The following PSD2 variants were observed in gnomAD, a reference collection of about 807,000 sequenced individuals.
PSD2 encodes pleckstrin and Sec7 domain containing 2.
Under a neutral mutation model 69.8 loss-of-function variants are expected in PSD2, and 38 were observed. The observed-to-expected ratio is 0.54, with a 90% CI of 0.42 to 0.71. The LOEUF (loss-of-function observed/expected upper bound fraction) is 0.71. Among genes scored for constraint, PSD2 ranks in the 30% least tolerant of loss-of-function variants. PSD2 has a pLI of 0.00. For synonymous variants in PSD2, 412 were observed against 423.0 expected (o/e 0.97, Z 0.32); for missense variants, 943 against 1,014.5 (o/e 0.93, Z 0.96).
At chr5:139,779,212 A>G in the PSD2 span, among the ~76,000 whole-genome samples, 1,395 of 152,198 alleles carry the variant, frequency 9.2e-3, 18 homozygotes, top group African/African-American at 0.031. Context: ...TGATTGTGAG[A>G]TTTTGGTGCA....
At chr5:139,787,361 G>C in the PSD2 span, among the ~76,000 whole-genome samples, 1 of 152,224 alleles carries the variant, frequency 6.6e-6, no homozygotes, top group East Asian at 1.9e-4. Context: ...ACGAAGGGGG[G>C]CCTGGGCTCT....
In PSD2 at chr5:139,839,457, T is replaced by C. The variant is rs1760817386; in HGVS notation, c.1969-570T>C. Among the ~76,000 whole-genome samples, 1 of 152,250 alleles carries C rather than the reference T, an allele frequency of 6.6e-6. No individual in the cohort carries two copies. Among genetic ancestry groups the C allele is most frequent in the South Asian group, 2.1e-4 (1 of 4,836 alleles). Reference sequence around the variant, plus strand: ...ACACAGGTGGTGACTCATACACACATGCATGCATGTGCACACAGCACCAGG... The same window carrying C: ...ACACAGGTGGTGACTCATACACACACGCATGCATGTGCACACAGCACCAGG... On this transcript the variant is annotated intron_variant, in intron 13 of 14. Transcript: ENST00000274710. This position sits in a 1 kb window ranked among gnomAD's most constrained non-coding sequence, Gnocchi z 5.1.
In PSD2 at chr5:139,809,500, C is replaced by A; in HGVS notation, c.60C>A (p.Pro20=). ...VPEEGDATRD[P]GPEPEEEPGV... Reference sequence around the variant, plus strand: ...AGGAAGGCGATGCCACCCGTGACCCCGGTCCAGAGCCTGAAGAGGAGCCAG... The same window carrying A: ...AGGAAGGCGATGCCACCCGTGACCCAGGTCCAGAGCCTGAAGAGGAGCCAG... The change falls in exon 2 of 15, where the codon CCC becomes CCA. Residue 20 remains proline, a synonymous_variant. Coordinates refer to ENST00000274710, the MANE Select transcript of PSD2 (RefSeq NM_032289.4). 1 of 1,612,666 alleles carries A rather than the reference C, an allele frequency of 6.2e-7. No individual in the cohort carries two copies. Among genetic ancestry groups the A allele is most frequent in the Non-Finnish European group, 8.5e-7 (1 of 1,179,404 alleles).
chr5:139,815,862 T>C (rs139275095), intron 4 of PSD2, among the ~76,000 whole-genome samples: 7,242 of 151,696 alleles, frequency 0.048, 585 homozygotes, highest in African/African-American at 0.17. Flanking sequence ...GGCGCTGTGG[T>C]GGTTGCCTGT....
chr5:139,799,203 C>A (rs1288566956), intron 1 of PSD2, among the ~76,000 whole-genome samples: 1 of 152,140 alleles, frequency 6.6e-6, no homozygotes, highest in East Asian at 1.9e-4. Context: ...CCCTGTATTT[C>A]AATTCTGTTC....
Position 139,814,441 on chromosome 5 carries a change from T to C in PSD2, c.1016+77T>C. The C allele has an allele frequency of 7.3e-7, 1 of 1,366,066 alleles. No homozygotes were observed. The allele number at this position is 1,366,066 out of a possible 1,614,324, so 84.6% of individuals were successfully genotyped here. ...CAACCTGAAGAGGGTGTGGGTGACC[T>C]TCTTCAGGGGTGCCAGGTGCTGGGG... On this transcript the variant is annotated intron_variant, in intron 4 of 14. Transcript: ENST00000274710. This position sits in a 1 kb window ranked among gnomAD's most constrained non-coding sequence, Gnocchi z 4.4.
the PSD2 span, among the ~76,000 whole-genome samples, chr5:139,766,924 CCTTCCCTTCTTTCTTTCTTTCTTT>C: frequency 0.02 from 654 of 33,136 alleles, 17 homozygotes; most frequent in African/African-American, 0.047. Context: ...TTCCTTCCTT[CCTTCCCTTCTTTCTTTCTTTCTTT>C]CTTTCTTTCT....
the PSD2 span, among the ~76,000 whole-genome samples, chr5:139,750,338 C>A: frequency 6.6e-5 from 10 of 151,622 alleles, no homozygotes; most frequent in Non-Finnish European, 5.9e-5. Context: ...AACAAAAAAA[C>A]AAAACAAAAA....
the PSD2 span, among the ~76,000 whole-genome samples, chr5:139,786,653 T>C: frequency 2.0e-5 from 3 of 152,088 alleles, no homozygotes; most frequent in East Asian, 3.9e-4. Context: ...GACTCAGTGA[T>C]TGGTTCAGGG....
At chr5:139,808,042 G>A (rs1409828877) in intron 1 of PSD2, among the ~76,000 whole-genome samples, 1 of 152,226 alleles carries the variant, frequency 6.6e-6, no homozygotes, top group African/African-American at 2.4e-5. Flanking sequence ...TCATTCTGCT[G>A]TAGCCTAGAA....
In PSD2 at chr5:139,813,502, C is replaced by T. The variant is rs139100682; in HGVS notation, c.565C>T (p.Arg189Cys). The T allele has an allele frequency of 1.5e-4, 240 of 1,612,686 alleles. No homozygotes were observed. The highest frequency in any genetic ancestry group is 1.9e-4 in the Non-Finnish European group (228 of 1,179,086). The stretch of plus-strand genomic sequence containing the variant: ...CACACCCCTCATCCAGCAGCGGGCC[C>T]GTGACAGCCCTGAGCCAGGGGCTGG... ...PLTPLIQQRARDSPEPGAGLG... is the reference protein window; with the variant it reads ...PLTPLIQQRACDSPEPGAGLG... The change falls in exon 3 of 15, where the codon CGT becomes TGT. Residue 189 changes from arginine (R) to cysteine (C), a missense_variant. Transcript: ENST00000274710.
intron 7 of PSD2, among the ~76,000 whole-genome samples, chr5:139,829,964 G>A (rs889698422): frequency 7.4e-5 from 11 of 149,642 alleles, no homozygotes; most frequent in African/African-American, 9.9e-5. Flanking sequence ...ACATGCAAGG[G>A]TGTTCTAATT....
chr5:139,797,440 A>G (rs1255917263), intron 1 of PSD2, among the ~76,000 whole-genome samples: 3 of 152,154 alleles, frequency 2.0e-5, no homozygotes, highest in Non-Finnish European at 2.9e-5. Flanking sequence ...TGAAGTCTCA[A>G]TGCTTGGGTG....
chr5:139,763,169 A>G, the PSD2 span, among the ~76,000 whole-genome samples: 1 of 152,044 alleles, frequency 6.6e-6, no homozygotes, highest in Non-Finnish European at 1.5e-5. Flanking sequence ...GGGGTCTGGA[A>G]GAAACATCTT....
intron 1 of PSD2, among the ~76,000 whole-genome samples, chr5:139,805,157 C>T (rs944961592): frequency 5.9e-5 from 9 of 152,192 alleles, no homozygotes; most frequent in Non-Finnish European, 1.2e-4. Flanking sequence ...CATGCACTTG[C>T]CCCTGTGTCT....
chr5:139,822,657 T>C (rs1326136740), intron 6 of PSD2, 69 bp from the exon 7 acceptor site: 27 of 1,394,662 alleles, frequency 1.9e-5, no homozygotes, highest in South Asian at 2.6e-5. Context: ...CCTGACGGGT[T>C]CCGTCAGGAG....
chr5:139,789,988 C>CGGG, the PSD2 span, among the ~76,000 whole-genome samples: 4 of 151,620 alleles, frequency 2.6e-5, no homozygotes, highest in Admixed American at 1.3e-4. Context: ...GAGAGCAGCA[C>CGGG]GGGGCCGGGC....
At chr5:139,772,424 C>T in the PSD2 span, 1 of 152,322 alleles carries the variant, frequency 6.6e-6, no homozygotes, top group Non-Finnish European at 1.5e-5. Context: ...CCCTCCTCCC[C>T]TGCTGTGAAG....
At chr5:139,758,799 AGGTG>A in the PSD2 span, among the ~76,000 whole-genome samples, 1 of 152,012 alleles carries the variant, frequency 6.6e-6, no homozygotes, top group Non-Finnish European at 1.5e-5. Context: ...TGCTAGACAG[AGGTG>A]GCCATGATTA....
Sources: allele counts gnomAD v4.1 joint callset (sites outside exome capture counted in the v4.1 genomes callset), GRCh38; gene constraint gnomAD v4.1.1; non-coding constraint Gnocchi (gnomAD v3.1); transcripts MANE v1.5; gene names NCBI Gene and HGNC (gene_info 2026-07-23, HGNC 2026-07-21).